The following TMEM117 variants were observed in gnomAD, a reference collection of about 807,000 sequenced individuals.
TMEM117 encodes transmembrane protein 117.
A neutral mutation model predicts 52.4 loss-of-function variants in TMEM117; 27 were observed. That is an observed-to-expected ratio of 0.51 (90% CI 0.38 to 0.71). TMEM117 has a LOEUF of 0.71. Ranked by LOEUF, TMEM117 falls within the 30% of genes least tolerant of loss-of-function variation. The pLI, the probability that TMEM117 is intolerant of heterozygous loss-of-function variation, is 0.00. For missense variants in TMEM117, 556 were observed against 630.5 expected (o/e 0.88, Z 1.26); for synonymous variants, 215 against 206.3 (o/e 1.04, Z -0.36).
intron 3 of TMEM117, among the ~76,000 whole-genome samples, chr12:44,117,312 A>G (rs1400760759): frequency 6.6e-6 from 1 of 152,076 alleles, no homozygotes; most frequent in Admixed American, 6.5e-5. Flanking sequence ...TGCCGTTTGC[A>G]CATGGAAGCT....
chr12:43,846,957 G>A (rs56008731), intron 2 of TMEM117, among the ~76,000 whole-genome samples: 9,989 of 151,864 alleles, frequency 0.066, 424 homozygotes, highest in Middle Eastern at 0.13. Flanking sequence ...ATTTTATATC[G>A]TCTTGTGCCT....
intron 4 of TMEM117, among the ~76,000 whole-genome samples, chr12:44,154,684 A>G (rs1446563506): frequency 6.6e-6 from 1 of 151,946 alleles, no homozygotes; most frequent in East Asian, 1.9e-4. Context: ...CAGGTTTGAA[A>G]AAAAAAGAAG....
At chr12:43,864,304 C>T (rs1256690266) in intron 2 of TMEM117, among the ~76,000 whole-genome samples, 2 of 152,252 alleles carry the variant, frequency 1.3e-5, no homozygotes, top group Non-Finnish European at 2.9e-5. Context: ...CAGGGACTGG[C>T]AGGCAGCTCT....
intron 4 of TMEM117, among the ~76,000 whole-genome samples, chr12:44,182,330 A>G (rs190363690): frequency 6.6e-6 from 1 of 152,112 alleles, no homozygotes; most frequent in Non-Finnish European, 1.5e-5. Flanking sequence ...TCTTTTCCTA[A>G]TGGAATACCC....
chr12:44,087,407 GT>G (rs553827361), intron 3 of TMEM117, among the ~76,000 whole-genome samples: 184 of 151,902 alleles, frequency 1.2e-3, no homozygotes, highest in African/African-American at 4.1e-3. Context: ...AATTTGCAGT[GT>G]TTTTTTCTTA....
At chr12:44,086,479 T>G (rs980715911) in intron 3 of TMEM117, among the ~76,000 whole-genome samples, 3 of 152,104 alleles carry the variant, frequency 2.0e-5, no homozygotes, top group African/African-American at 7.2e-5. Flanking sequence ...CCGCCCAAAG[T>G]GCTGGGATTA....
At chr12:44,209,160 G>A (rs1241149042) in intron 4 of TMEM117, among the ~76,000 whole-genome samples, 1 of 152,050 alleles carries the variant, frequency 6.6e-6, no homozygotes, top group African/African-American at 2.4e-5. Flanking sequence ...GGAAAAAACA[G>A]CAATTTCTTC....
At chr12:43,903,506 A>G (rs1010218832) in intron 2 of TMEM117, among the ~76,000 whole-genome samples, 2 of 152,234 alleles carry the variant, frequency 1.3e-5, no homozygotes, top group African/African-American at 4.8e-5. Context: ...TTTACATTCA[A>G]TTTCATTTAA....
chr12:44,162,319 C>G (rs1478766010), intron 4 of TMEM117, among the ~76,000 whole-genome samples: 4 of 152,146 alleles, frequency 2.6e-5, no homozygotes, highest in Non-Finnish European at 5.9e-5. Context: ...CTTGGCCCCA[C>G]TGTCTCAGCT....
chr12:44,355,605 T>C (rs1951636846), intron 6 of TMEM117, among the ~76,000 whole-genome samples: 2 of 152,010 alleles, frequency 1.3e-5, no homozygotes, highest in Admixed American at 1.3e-4. Context: ...GCTTTGAGAG[T>C]AGAAGGAACC....
At chr12:44,262,941 T>A (rs573978649) in intron 5 of TMEM117, among the ~76,000 whole-genome samples, 1 of 152,322 alleles carries the variant, frequency 6.6e-6, no homozygotes, top group Admixed American at 6.5e-5. Context: ...ACTTTAAGAA[T>A]GGAAACTAAG....
Position 44,214,666 on chromosome 12 carries a change from GA to G in TMEM117, c.608+3280del, listed in dbSNP as rs543584224. Reference sequence around the variant, plus strand: ...ATTAATAATTAGGCAATATATTAGAGAGATTGTTTTCACTGTTATATTTCAA... The same window carrying G: ...ATTAATAATTAGGCAATATATTAGAGGATTGTTTTCACTGTTATATTTCAA... On this transcript the variant is annotated intron_variant, in intron 5 of 7. Transcript: ENST00000266534. Among the ~76,000 whole-genome samples the G allele has an allele frequency of 1.7e-4, 26 of 152,270 alleles. No individual in the cohort carries two copies. In the East Asian group the frequency reaches 4.6e-3, roughly 27 times the overall value.
chr12:44,082,529 T>A (rs6582497), intron 3 of TMEM117, among the ~76,000 whole-genome samples: 29,694 of 151,970 alleles, frequency 0.2, 4,740 homozygotes, highest in African/African-American at 0.44. Flanking sequence ...TAAAACACAT[T>A]TAAATGATTG....
At chr12:44,072,857 C>T (rs937456331) in intron 3 of TMEM117, among the ~76,000 whole-genome samples, 10 of 152,050 alleles carry the variant, frequency 6.6e-5, no homozygotes, top group South Asian at 2.1e-4. Context: ...TTTGGGAGGC[C>T]GAGGTGGGCG....
chr12:43,873,608 AAAAG>A (rs1592323947), intron 2 of TMEM117, among the ~76,000 whole-genome samples: 1 of 152,154 alleles, frequency 6.6e-6, no homozygotes, highest in African/African-American at 2.4e-5. Flanking sequence ...TGTCATTAAA[AAAAG>A]AAAACTGTAC....
At chr12:43,858,641 T>A (rs1169143181) in intron 2 of TMEM117, among the ~76,000 whole-genome samples, 1 of 152,200 alleles carries the variant, frequency 6.6e-6, no homozygotes, top group Non-Finnish European at 1.5e-5. Context: ...GGCTACTCCA[T>A]GCTTGTTATG....
chr12:43,832,567 T>G (rs947519549), upstream of TMEM117, among the ~76,000 whole-genome samples: 15 of 152,206 alleles, frequency 9.9e-5, no homozygotes, highest in African/African-American at 3.6e-4. Context: ...AATTTTTCAG[T>G]AGCAATTTGT....
At chr12:44,204,984 A>C (rs964044559) in intron 4 of TMEM117, among the ~76,000 whole-genome samples, 3 of 152,254 alleles carry the variant, frequency 2.0e-5, no homozygotes, top group African/African-American at 7.2e-5. Flanking sequence ...TTCTGAACAT[A>C]GGCATTGACA....
intron 2 of TMEM117, among the ~76,000 whole-genome samples, chr12:43,914,871 T>C (rs1944573751): frequency 6.6e-6 from 1 of 152,150 alleles, no homozygotes; most frequent in Admixed American, 6.5e-5. Context: ...AGTTCTGTAA[T>C]ATTTGGTGGT....
Sources: allele counts gnomAD v4.1 joint callset (sites outside exome capture counted in the v4.1 genomes callset), GRCh38; gene constraint gnomAD v4.1.1; transcripts MANE v1.5; gene names NCBI Gene and HGNC (gene_info 2026-07-23, HGNC 2026-07-21).